ATP8A1: variants seen among roughly 807,000 people sequenced by gnomAD.
ATP8A1 encodes ATPase phospholipid transporting 8A1, also known as phospholipid-transporting ATPase IA.
A neutral mutation model predicts 177.7 loss-of-function variants in ATP8A1; 90 were observed. That is an observed-to-expected ratio of 0.51 (90% CI 0.43 to 0.60). ATP8A1 has a LOEUF of 0.60. Among genes scored for constraint, ATP8A1 ranks in the 20% least tolerant of loss-of-function variants. The pLI is 0.00. For missense variants in ATP8A1, 1,072 were observed against 1,392.8 expected (o/e 0.77, Z 3.67); for synonymous variants, 493 against 485.9 (o/e 1.01, Z -0.19).
chr4:42,597,800 A>G (rs1275339112), intron 6 of ATP8A1, among the ~76,000 whole-genome samples: 2 of 152,310 alleles, frequency 1.3e-5, no homozygotes, highest in Middle Eastern at 3.4e-3. Context: ...CTGCTCGTTC[A>G]CAATAGTATG....
rs3811767 is a variant in ATP8A1, at chr4:42,503,531, A to G, written c.2087-17T>C. ...AGGAGTGTCCTGTATCCAAACACAG[A>G]GTATATTAAAATTAATTTCTCCAGA... is the stretch of plus-strand genomic sequence containing the variant. On this transcript the variant is annotated splice_polypyrimidine_tract_variant and intron_variant, in intron 23 of 36. Coordinates refer to ENST00000381668, the MANE Select transcript of ATP8A1 (RefSeq NM_006095.2). 1.1e-3 allele frequency: 1,723 copies of G among 1,527,322 alleles called. 48 individuals are homozygous for G. In the East Asian group the frequency reaches 0.037, roughly 33 times the overall value. The allele number at this position is 1,527,322 out of a possible 1,614,324, so 94.6% of individuals were successfully genotyped here. A position where few individuals can be genotyped will look rare whatever the true frequency, so the allele number is the denominator to read the frequency against.
In ATP8A1 at chr4:42,445,957, G is replaced by A. The variant is rs373422563; in HGVS notation, c.2958+626C>T. 5.3e-5 allele frequency among the ~76,000 whole-genome samples: 8 copies of A among 151,576 alleles called. No homozygotes were observed. The East Asian group carries it at 1.2e-3, about 22-fold the overall frequency. On this transcript the variant is annotated intron_variant, in intron 31 of 36. Transcript: ENST00000381668. ...TAGCTGGGCGTGATGGCACACGCCT[G>A]TAATTCCAGCTACTCAGGAGGCTGA...
At chr4:42,635,223 G>A (rs1471132852) in intron 1 of ATP8A1, among the ~76,000 whole-genome samples, 1 of 151,976 alleles carries the variant, frequency 6.6e-6, no homozygotes, top group Non-Finnish European at 1.5e-5. Context: ...AGGGGTGGTA[G>A]GTAGGAGGGA....
intron 5 of ATP8A1, among the ~76,000 whole-genome samples, chr4:42,610,582 C>CA (rs369420258): frequency 0.21 from 26,690 of 127,514 alleles, 3,018 homozygotes; most frequent in East Asian, 0.51. Flanking sequence ...CCTTTGTGTG[C>CA]AAAAAAAAAA....
chr4:42,639,246 AATAG>A (rs369176166), intron 1 of ATP8A1, among the ~76,000 whole-genome samples: 106 of 152,280 alleles, frequency 7.0e-4, no homozygotes, highest in African/African-American at 2.3e-3. Context: ...AAAGGTTGAA[AATAG>A]ATAGGTTCAC....
chr4:42,535,848 C>A (rs2153203217), intron 20 of ATP8A1, among the ~76,000 whole-genome samples: 1 of 152,262 alleles, frequency 6.6e-6, no homozygotes, highest in African/African-American at 2.4e-5. Flanking sequence ...AATTAAATAA[C>A]CTGCTCCTGA....
At chr4:42,424,971 TTAA>T (rs1329831219) in intron 33 of ATP8A1, among the ~76,000 whole-genome samples, 1 of 152,200 alleles carries the variant, frequency 6.6e-6, no homozygotes, top group Non-Finnish European at 1.5e-5. Context: ...GTCACTTTAT[TTAA>T]TAAGCAAAAC....
intron 5 of ATP8A1, among the ~76,000 whole-genome samples, chr4:42,608,428 C>T (rs1736039471): frequency 2.0e-5 from 3 of 151,992 alleles, no homozygotes; most frequent in East Asian, 1.9e-4. Flanking sequence ...GGCACGATCT[C>T]GGCTCACTGT....
intron 25 of ATP8A1, among the ~76,000 whole-genome samples, chr4:42,466,471 G>T (rs1719779342): frequency 6.6e-6 from 1 of 152,268 alleles, no homozygotes; most frequent in African/African-American, 2.4e-5. Flanking sequence ...CTGCCCTTAT[G>T]AACTGCTTCA....
intron 6 of ATP8A1, among the ~76,000 whole-genome samples, chr4:42,592,362 T>G (rs1239662182): frequency 6.6e-6 from 1 of 152,162 alleles, no homozygotes; most frequent in African/African-American, 2.4e-5. Context: ...ACAAGTAGCT[T>G]GCTGGGGAGT....
At chr4:42,518,114 G>A (rs6845003) in intron 22 of ATP8A1, among the ~76,000 whole-genome samples, 33,398 of 152,072 alleles carry the variant, frequency 0.22, 4,026 homozygotes, top group African/African-American at 0.33. Context: ...ATTCAACTTA[G>A]TTTTAAAAAC....
At chr4:42,470,217 G>A (rs556522558) in intron 25 of ATP8A1, among the ~76,000 whole-genome samples, 29 of 152,298 alleles carry the variant, frequency 1.9e-4, no homozygotes, top group African/African-American at 6.5e-4. Flanking sequence ...CAACCTAGAC[G>A]TGCACTGAGT....
chr4:42,474,974 G>A (rs988448382), intron 25 of ATP8A1, among the ~76,000 whole-genome samples: 2 of 152,006 alleles, frequency 1.3e-5, no homozygotes, highest in Non-Finnish European at 2.9e-5. Flanking sequence ...GTCCAATATA[G>A]CAACAATTAT....
Position 42,465,061 on chromosome 4 carries a change from T to C in ATP8A1, c.2340A>G (p.Gln780=). The C allele has an allele frequency of 6.2e-7, 1 of 1,612,914 alleles. No homozygotes were observed. Among genetic ancestry groups the C allele is most frequent in the Non-Finnish European group, 8.5e-7 (1 of 1,179,368 alleles). The change falls in exon 26 of 37, where the codon CAA becomes CAG. Residue 780 remains glutamine (Q), a synonymous_variant. Coordinates refer to ENST00000381668, the MANE Select transcript of ATP8A1 (RefSeq NM_006095.2). ...TAACCATCTCAACAACTTCAGATTT[T>C]TGAAGAGGAGAAACCCTGAAATTGA... The part of the protein sequence containing the change: ...AVICCRVSPL[Q]KSEVVEMVKK...
In ATP8A1 at chr4:42,649,052, G is replaced by C. The variant is rs190708923; in HGVS notation, c.49+7773C>G. Reference sequence around the variant, plus strand: ...TTTTGACCCAGAAATCCCATTTCTAGGGACTTTGAACAAAACCATCAGAAA... The same window carrying C: ...TTTTGACCCAGAAATCCCATTTCTACGGACTTTGAACAAAACCATCAGAAA... On this transcript the variant is annotated intron_variant, in intron 1 of 36. Coordinates refer to ENST00000381668, the MANE Select transcript of ATP8A1 (RefSeq NM_006095.2). Among the ~76,000 whole-genome samples the C allele has an allele frequency of 1.2e-4, 18 of 152,242 alleles. 1 individual carries two copies. Among genetic ancestry groups the C allele is most frequent in the Admixed American group, 1.1e-3 (17 of 15,284 alleles).
chr4:42,655,653 C>T (rs141927083), intron 1 of ATP8A1, among the ~76,000 whole-genome samples: 11 of 152,252 alleles, frequency 7.2e-5, no homozygotes, highest in African/African-American at 2.4e-4. Context: ...AGTACACAGG[C>T]CAGTTTTGAA....
At chr4:42,488,526 A>G (rs9291217) in intron 24 of ATP8A1, among the ~76,000 whole-genome samples, 144,193 of 152,226 alleles carry the variant, frequency 0.95, 68,744 homozygotes, top group Non-Finnish European at 1. Context: ...TGTCTTTACC[A>G]CCAACAGAGA....
intron 22 of ATP8A1, among the ~76,000 whole-genome samples, chr4:42,515,252 C>T (rs188320585): frequency 1.1e-3 from 164 of 152,220 alleles, no homozygotes; most frequent in African/African-American, 3.6e-3. Flanking sequence ...ACGAAATCAC[C>T]CATACATCAT....
At chr4:42,573,227 C>T (rs1732083056) in intron 14 of ATP8A1, among the ~76,000 whole-genome samples, 1 of 152,104 alleles carries the variant, frequency 6.6e-6, no homozygotes, top group Non-Finnish European at 1.5e-5. Context: ...AAAAACAATG[C>T]CAATTATTAA....
Sources: gnomAD v4.1 joint callset for allele counts (sites outside exome capture counted in the v4.1 genomes callset) on GRCh38, gnomAD v4.1.1 for gene constraint, MANE v1.5 for transcripts, NCBI Gene and HGNC (gene_info 2026-07-23, HGNC 2026-07-21) for gene names.